Variants in RNGTT observed in about 807,000 individuals in gnomAD.
RNGTT encodes the protein mRNA-capping enzyme.
In RNGTT, 33 loss-of-function variants were observed where a neutral mutation model predicts 79.3. That is an observed-to-expected ratio of 0.42 (90% confidence interval 0.32 to 0.56). The LOEUF (loss-of-function observed/expected upper bound fraction) is 0.56. Among genes scored for constraint, RNGTT ranks in the 20% least tolerant of loss-of-function variants. The pLI is 0.17. For missense variants in RNGTT, 497 were observed against 739.1 expected (o/e 0.67, Z 3.80); for synonymous variants, 222 against 235.9 (o/e 0.94, Z 0.54).
At chr6:88,919,386 C>T (rs900194013) in intron 4 of RNGTT, among the ~76,000 whole-genome samples, 2 of 152,140 alleles carry the variant, frequency 1.3e-5, no homozygotes, top group Admixed American at 6.5e-5. Context: ...AACTCCCCAA[C>T]AAATAGACAG....
In RNGTT at chr6:88,728,374, G is replaced by A. The variant is rs568019691; in HGVS notation, c.1439+41400C>T. Among the ~76,000 whole-genome samples, 18 of 152,262 alleles carry A rather than the reference G, an allele frequency of 1.2e-4. No individual in the cohort carries two copies. The South Asian group carries it at 2.7e-3, about 23-fold the overall frequency. Reference sequence around the variant, plus strand: ...TTAGAGAATTGGGACCATTTAATCCGGGGAGATTTTGATAAAGACCCCAGT... The same window carrying A: ...TTAGAGAATTGGGACCATTTAATCCAGGGAGATTTTGATAAAGACCCCAGT... On this transcript the variant is annotated intron_variant, in intron 13 of 15. Coordinates refer to ENST00000369485, the MANE Select transcript of RNGTT (RefSeq NM_003800.5).
chr6:88,635,038 A>T (rs1284263777), intron 14 of RNGTT, among the ~76,000 whole-genome samples: 1 of 152,022 alleles, frequency 6.6e-6, no homozygotes, highest in African/African-American at 2.4e-5. Flanking sequence ...TGGAGAATTG[A>T]GGTTACATTT....
intron 11 of RNGTT, among the ~76,000 whole-genome samples, chr6:88,819,707 A>T (rs948281003): frequency 6.6e-6 from 1 of 152,088 alleles, no homozygotes; most frequent in African/African-American, 2.4e-5. Flanking sequence ...AAGATCCTAA[A>T]TATTTTCAAC....
intron 8 of RNGTT, among the ~76,000 whole-genome samples, chr6:88,865,821 C>T (rs1782149129): frequency 6.6e-6 from 1 of 152,036 alleles, no homozygotes; most frequent in Admixed American, 6.6e-5. Flanking sequence ...AATAATGGTA[C>T]ATACACAATA....
intron 11 of RNGTT, among the ~76,000 whole-genome samples, chr6:88,838,687 A>C (rs1781163503): frequency 6.6e-6 from 1 of 152,310 alleles, no homozygotes; most frequent in South Asian, 2.1e-4. Context: ...GTTCTTCCCC[A>C]AAATTGACCT....
chr6:88,834,668 G>A (rs1242293840), intron 11 of RNGTT, among the ~76,000 whole-genome samples: 1 of 151,956 alleles, frequency 6.6e-6, no homozygotes, highest in Non-Finnish European at 1.5e-5. Flanking sequence ...CTTTTACTAT[G>A]ATACAAACAA....
chr6:88,861,063 A>C (rs1239705225), intron 8 of RNGTT, among the ~76,000 whole-genome samples: 1 of 152,092 alleles, frequency 6.6e-6, no homozygotes, highest in Non-Finnish European at 1.5e-5. Flanking sequence ...CTAATTCTAG[A>C]GTTTACTTTC....
At chr6:88,647,761 AG>A (rs1304758934) in intron 14 of RNGTT, among the ~76,000 whole-genome samples, 1 of 147,760 alleles carries the variant, frequency 6.8e-6, no homozygotes, top group African/African-American at 2.5e-5. Context: ...GAGAGGGAGG[AG>A]GGGAGGGAAC....
intron 8 of RNGTT, among the ~76,000 whole-genome samples, chr6:88,889,436 C>T (rs1782972057): frequency 6.6e-6 from 1 of 152,020 alleles, no homozygotes; most frequent in Non-Finnish European, 1.5e-5. Flanking sequence ...AAGGTAACTA[C>T]ATGTTAAATG....
chr6:88,927,143 A>C (rs1364202492), intron 4 of RNGTT, among the ~76,000 whole-genome samples: 1 of 152,250 alleles, frequency 6.6e-6, no homozygotes, highest in African/African-American at 2.4e-5. Context: ...TTCAAACAGT[A>C]GATATATGAA....
intron 11 of RNGTT, among the ~76,000 whole-genome samples, chr6:88,808,692 T>C (rs1004645626): frequency 6.6e-6 from 1 of 152,170 alleles, no homozygotes. Flanking sequence ...GGCAGATAGC[T>C]TGAGCCCAGG....
chr6:88,753,778 C>A (rs1345596522), intron 13 of RNGTT, among the ~76,000 whole-genome samples: 1 of 151,784 alleles, frequency 6.6e-6, no homozygotes, highest in East Asian at 1.9e-4. Flanking sequence ...TATCTAAAAT[C>A]ATAGATTATA....
At chr6:88,618,949 G>T (rs1365821851) in intron 14 of RNGTT, among the ~76,000 whole-genome samples, 1 of 152,152 alleles carries the variant, frequency 6.6e-6, no homozygotes, top group Non-Finnish European at 1.5e-5. Flanking sequence ...CCATAAGAAA[G>T]ATTTGTCCCT....
At chr6:88,679,895 GA>G (rs1775025230) in intron 13 of RNGTT, among the ~76,000 whole-genome samples, 1 of 152,068 alleles carries the variant, frequency 6.6e-6, no homozygotes, top group African/African-American at 2.4e-5. Context: ...TAAAGAAGAA[GA>G]AAAAAACTGC....
At position 88,713,418 on chromosome 6, in the gene RNGTT, A is replaced by C. The variant is rs1776387026; in HGVS notation, c.1440-34999T>G. On this transcript the variant is annotated intron_variant, in intron 13 of 15. Transcript: ENST00000369485. ...CCAATCTGACACTGTATTTAGATAA[A>C]TATTTAAATGCATTTAAACTAAGGG... Among the ~76,000 whole-genome samples the C allele has an allele frequency of 2.0e-5, 3 of 152,210 alleles. No individual in the cohort carries two copies. In the South Asian group the frequency reaches 6.2e-4, roughly 32 times the overall value.
chr6:88,761,020 C>CAT lies in RNGTT; in HGVS notation c.1439+8753_1439+8754insAT, dbSNP rs761047295. Among the ~76,000 whole-genome samples the CAT allele has an allele frequency of 5.2e-4, 26 of 50,206 alleles. No homozygotes were observed. The East Asian group carries it at 0.05, about 96-fold the overall frequency. 32.9% of individuals were successfully genotyped at this position (50,206 alleles called of 152,430 possible). ...TTAATGAATTGAAGCAAAAGAAATA[C>CAT]ACACACACACACACACACACACACA... On this transcript the variant is annotated intron_variant, in intron 13 of 15. Coordinates refer to ENST00000369485, the MANE Select transcript of RNGTT (RefSeq NM_003800.5).
intron 14 of RNGTT, among the ~76,000 whole-genome samples, chr6:88,661,779 C>T (rs1015345914): frequency 1.3e-5 from 2 of 152,056 alleles, no homozygotes; most frequent in East Asian, 3.9e-4. Context: ...GAAACTATTC[C>T]AAAAGATAAA....
chr6:88,664,478 T>G (rs1053090778), intron 14 of RNGTT, among the ~76,000 whole-genome samples: 4 of 152,134 alleles, frequency 2.6e-5, no homozygotes, highest in African/African-American at 9.7e-5. Context: ...TAAATACAGA[T>G]GCAGCAAGCC....
intron 13 of RNGTT, among the ~76,000 whole-genome samples, chr6:88,688,872 G>T (rs1290060895): frequency 1.3e-5 from 2 of 152,080 alleles, no homozygotes; most frequent in Non-Finnish European, 2.9e-5. Context: ...CTTTTAGGAT[G>T]ATCCACTCAA....
Sources: gnomAD v4.1 joint callset for allele counts (sites outside exome capture counted in the v4.1 genomes callset) on GRCh38, gnomAD v4.1.1 for gene constraint, MANE v1.5 for transcripts, NCBI Gene and HGNC (gene_info 2026-07-23, HGNC 2026-07-21) for gene names.